Variants in XRCC6 observed in about 807,000 individuals in gnomAD.
XRCC6 encodes DNA repair protein Ku70.
A neutral mutation model predicts 65.7 loss-of-function variants in XRCC6; 5 were observed. That is an observed-to-expected ratio of 0.08 (90% CI 0.04 to 0.16). The LOEUF is 0.16. Ranked by LOEUF, XRCC6 falls within the 10% of genes least tolerant of loss-of-function variation. XRCC6 has a pLI of 1.00. For missense variants in XRCC6, 447 were observed against 738.1 expected (o/e 0.61, Z 4.57); for synonymous variants, 270 against 270.6 (o/e 1.00, Z 0.02).
chr22:41,626,420 C>T (rs1274367723), intron 2 of XRCC6, among the ~76,000 whole-genome samples: 4 of 151,472 alleles, frequency 2.6e-5, no homozygotes, highest in East Asian at 3.9e-4. Context: ...GGATTACAGG[C>T]GTGAGCCACT....
At chr22:41,639,708 G>A (rs1196649061) in intron 6 of XRCC6, among the ~76,000 whole-genome samples, 1 of 117,672 alleles carries the variant, frequency 8.5e-6, no homozygotes, top group East Asian at 2.7e-4. Flanking sequence ...TTTTGGCCGG[G>A]CTGGAGTGCA....
chr22:41,636,455 A>G, intron 4 of XRCC6, 61 bp from the exon 5 acceptor site: 1 of 1,587,544 alleles, frequency 6.3e-7, no homozygotes, highest in Non-Finnish European at 8.6e-7. Flanking sequence ...GTCTTGTGGT[A>G]AAGGCAGCCA....
intron 8 of XRCC6, 29 bp from the exon 9 acceptor site, chr22:41,653,500 G>A (rs1179495204): frequency 1.3e-6 from 2 of 1,552,168 alleles, no homozygotes; most frequent in Admixed American, 3.7e-5. Flanking sequence ...CTTTTTAGGA[G>A]GCTAGTCACT....
rs974174228 is a variant in XRCC6, at chr22:41,663,931, G to T, written c.*116G>T. The T allele has an allele frequency of 2.6e-6, 3 of 1,149,402 alleles. No individual in the cohort carries two copies. Among genetic ancestry groups the T allele is most frequent in the South Asian group, 1.6e-5 (1 of 63,292 alleles). The allele number at this position is 1,149,402 out of a possible 1,614,324, so 71.2% of individuals were successfully genotyped here. On this transcript the variant is annotated 3_prime_UTR_variant, in exon 13 of 13. Transcript: ENST00000360079. ...AGGAAGAGTCTACCCGACATAAGTCGAGGGACTTTATGTTTTTGAGGCTTT... is the reference window on the plus strand; with the variant it reads ...AGGAAGAGTCTACCCGACATAAGTCTAGGGACTTTATGTTTTTGAGGCTTT...
At chr22:41,629,459 T>C (rs932259383) in intron 3 of XRCC6, among the ~76,000 whole-genome samples, 1 of 152,232 alleles carries the variant, frequency 6.6e-6, no homozygotes, top group Non-Finnish European at 1.5e-5. Flanking sequence ...AGTCAAATAT[T>C]GTATGATTTC....
At chr22:41,653,498 G>A in intron 8 of XRCC6, 31 bp from the exon 9 acceptor site, 1 of 1,539,364 alleles carries the variant, frequency 6.5e-7, no homozygotes, top group Non-Finnish European at 8.8e-7. Flanking sequence ...ACCTTTTTAG[G>A]AGGCTAGTCA....
At chr22:41,634,692 G>T (rs1008244744) in intron 3 of XRCC6, among the ~76,000 whole-genome samples, 4 of 152,046 alleles carry the variant, frequency 2.6e-5, no homozygotes, top group Non-Finnish European at 5.9e-5. Context: ...TTACAGGCAC[G>T]TGCTACCACA....
chr22:41,633,322 G>T (rs1454743006), intron 3 of XRCC6, among the ~76,000 whole-genome samples: 1 of 152,194 alleles, frequency 6.6e-6, no homozygotes, highest in Admixed American at 6.5e-5. Context: ...AAATTGTCAG[G>T]TGATGCTGAT....
intron 11 of XRCC6, among the ~76,000 whole-genome samples, chr22:41,658,687 G>A (rs1055517477): frequency 8.5e-5 from 13 of 152,182 alleles, no homozygotes; most frequent in African/African-American, 2.4e-4. Flanking sequence ...AGGCCGAGGC[G>A]GGTGGATCAC....
chr22:41,646,678 G>T (rs538506389), intron 6 of XRCC6, among the ~76,000 whole-genome samples: 1 of 152,134 alleles, frequency 6.6e-6, no homozygotes, highest in Non-Finnish European at 1.5e-5. Context: ...CCTGTAGTAC[G>T]TTCTTTATCA....
At chr22:41,635,829 G>A (rs1236725160) in intron 3 of XRCC6, among the ~76,000 whole-genome samples, 1 of 152,118 alleles carries the variant, frequency 6.6e-6, no homozygotes, top group Non-Finnish European at 1.5e-5. Context: ...ACAGATGTGA[G>A]CCACTGTGCC....
intron 3 of XRCC6, among the ~76,000 whole-genome samples, chr22:41,630,860 T>C (rs1356735639): frequency 6.6e-6 from 1 of 152,238 alleles, no homozygotes; most frequent in Non-Finnish European, 1.5e-5. Context: ...CCATGTCTAC[T>C]TTTTTCCACA....
rs963529698 is a variant in XRCC6 at position 41,663,924 on chromosome 22, A to G, written c.*109A>G. On this transcript the variant is annotated 3_prime_UTR_variant, in exon 13 of 13. Transcript: ENST00000360079. Reference sequence around the variant, plus strand: ...CTGAGCTAGGAAGAGTCTACCCGACATAAGTCGAGGGACTTTATGTTTTTG... The same window carrying G: ...CTGAGCTAGGAAGAGTCTACCCGACGTAAGTCGAGGGACTTTATGTTTTTG... 21 of 1,215,696 alleles carry G rather than the reference A, an allele frequency of 1.7e-5. No homozygotes were observed. Among genetic ancestry groups the G allele is most frequent in the African/African-American group, 1.5e-4 (10 of 65,934 alleles). 75.3% of individuals were successfully genotyped at this position (1,215,696 alleles called of 1,614,324 possible).
At chr22:41,622,202 C>A in intron 2 of XRCC6, 116 bp downstream of exon 2, 3 of 1,105,764 alleles carry the variant, frequency 2.7e-6, no homozygotes, top group South Asian at 1.4e-5. Context: ...CCAGATAATT[C>A]TGAAATTCTT....
At chr22:41,632,820 C>G (rs1014697687) in intron 3 of XRCC6, among the ~76,000 whole-genome samples, 55 of 146,492 alleles carry the variant, frequency 3.8e-4, no homozygotes, top group Admixed American at 1.8e-3. Context: ...AAGACCCTGT[C>G]TCTTGGAAAA....
At chr22:41,659,541 T>C (rs1198630289) in intron 11 of XRCC6, among the ~76,000 whole-genome samples, 1 of 151,934 alleles carries the variant, frequency 6.6e-6, no homozygotes, top group Non-Finnish European at 1.5e-5. Flanking sequence ...GGTTTCACCA[T>C]GTTGGCCAGG....
At chr22:41,631,086 G>A (rs1029526698) in intron 3 of XRCC6, among the ~76,000 whole-genome samples, 1 of 127,372 alleles carries the variant, frequency 7.9e-6, no homozygotes, top group African/African-American at 5.0e-5. Flanking sequence ...CTGGCCGGGT[G>A]GGGGGATGAC....
At chr22:41,649,724 G>A (rs918035029) in intron 7 of XRCC6, among the ~76,000 whole-genome samples, 20 of 151,936 alleles carry the variant, frequency 1.3e-4, no homozygotes, top group South Asian at 4.2e-4. Flanking sequence ...GTGTGGTGGC[G>A]GGCACCTATA....
intron 9 of XRCC6, among the ~76,000 whole-genome samples, chr22:41,656,565 G>A (rs2068046770): frequency 2.1e-5 from 3 of 144,010 alleles, no homozygotes; most frequent in Non-Finnish European, 4.4e-5. Flanking sequence ...ATTTATGAAC[G>A]TATGACATGG....
Sources: allele counts gnomAD v4.1 joint callset (sites outside exome capture counted in the v4.1 genomes callset), GRCh38; gene constraint gnomAD v4.1.1; transcripts MANE v1.5; gene names NCBI Gene and HGNC (gene_info 2026-07-23, HGNC 2026-07-21).